Variants in NLK observed in about 807,000 individuals in gnomAD.
The protein encoded by NLK is nemo like kinase.
In NLK, 11 loss-of-function variants were observed where a neutral mutation model predicts 59.0. The ratio of observed to expected loss-of-function variants is 0.19; its 90% CI spans 0.12 to 0.31. The LOEUF (loss-of-function observed/expected upper bound fraction) is 0.31, where lower values mean the gene tolerates loss of function less well. NLK is among the 10% of genes least tolerant of loss of function. The pLI is 1.00. For synonymous variants in NLK, 235 were observed against 235.9 expected (o/e 1.00, Z 0.03); for missense variants, 410 against 661.1 (o/e 0.62, Z 4.16).
At chr17:28,068,811 T>C (rs536189379) in intron 1 of NLK, among the ~76,000 whole-genome samples, 14 of 152,270 alleles carry the variant, frequency 9.2e-5, no homozygotes, top group African/African-American at 3.4e-4. Flanking sequence ...TCAGAGTAGC[T>C]GGGACTATAG....
At chr17:28,175,272 C>G (rs949018862) in intron 7 of NLK, among the ~76,000 whole-genome samples, 2 of 150,906 alleles carry the variant, frequency 1.3e-5, no homozygotes, top group African/African-American at 4.9e-5. Context: ...GGTGAAACCC[C>G]GTCTCTACTA....
intron 7 of NLK, among the ~76,000 whole-genome samples, chr17:28,179,387 G>C (rs1267262251): frequency 1.3e-5 from 2 of 151,952 alleles, no homozygotes. Flanking sequence ...ATACCACCCT[G>C]CCTAGCCTTT....
intron 10 of NLK, among the ~76,000 whole-genome samples, chr17:28,192,652 G>A (rs1909348693): frequency 6.6e-6 from 1 of 151,652 alleles, no homozygotes. Flanking sequence ...TAGGCAACAA[G>A]AGCGAAACTC....
intron 1 of NLK, among the ~76,000 whole-genome samples, chr17:28,119,535 G>A (rs1905929325): frequency 6.6e-6 from 1 of 152,132 alleles, no homozygotes; most frequent in African/African-American, 2.4e-5. Flanking sequence ...TTTGGAAAGG[G>A]CACTGTGTTA....
intron 5 of NLK, among the ~76,000 whole-genome samples, chr17:28,164,806 C>T (rs189045381): frequency 2.3e-4 from 35 of 152,122 alleles, no homozygotes; most frequent in Admixed American, 1.7e-3. Context: ...AGGTTGCTGG[C>T]GGTTAAACTA....
intron 7 of NLK, among the ~76,000 whole-genome samples, chr17:28,182,859 A>G (rs1292969987): frequency 6.6e-6 from 1 of 152,220 alleles, no homozygotes; most frequent in Non-Finnish European, 1.5e-5. Context: ...ATGGCTTTTT[A>G]AATTGTTTTT....
intron 1 of NLK, among the ~76,000 whole-genome samples, chr17:28,067,923 CTGA>C (rs1909887684): frequency 5.9e-5 from 9 of 151,410 alleles, no homozygotes; most frequent in Admixed American, 4.6e-4. Context: ...GGTGAATCAC[CTGA>C]GGTCAAGAGT....
intron 8 of NLK, among the ~76,000 whole-genome samples, chr17:28,190,210 G>A (rs989289014): frequency 2.6e-5 from 4 of 152,114 alleles, no homozygotes; most frequent in African/African-American, 7.2e-5. Flanking sequence ...AGTAATACAC[G>A]TATGTCTACT....
At chr17:28,120,237 T>G (rs374986504) in intron 1 of NLK, among the ~76,000 whole-genome samples, 399 of 16,144 alleles carry the variant, frequency 0.025, 4 homozygotes, top group Middle Eastern at 0.13. Flanking sequence ...TGGCTTGGGG[T>G]GTGTGTGTGT....
At chr17:28,199,665 C>CAAAAAAAAAAA (rs1303411168), downstream of NLK, among the ~76,000 whole-genome samples, 10 of 33,510 alleles carry the variant, frequency 3.0e-4, no homozygotes, top group Non-Finnish European at 3.3e-4. Context: ...GACTCTGTCT[C>CAAAAAAAAAAA]AAAAAAAAAA....
chr17:28,074,304 A>G (rs763127503), intron 1 of NLK, among the ~76,000 whole-genome samples: 45 of 152,202 alleles, frequency 3.0e-4, no homozygotes, highest in Admixed American at 3.3e-4. Context: ...ACAAACCTGC[A>G]CATCCTGCAC....
chr17:28,192,299 T>C, intron 10 of NLK, 86 bp downstream of exon 10: 3 of 736,642 alleles, frequency 4.1e-6, no homozygotes, highest in Non-Finnish European at 4.6e-6. Context: ...TTGTTTTTAT[T>C]TAGATAACAT....
chr17:28,075,843 T>C (rs954754226), intron 1 of NLK, among the ~76,000 whole-genome samples: 3 of 152,150 alleles, frequency 2.0e-5, no homozygotes, highest in Admixed American at 1.3e-4. Flanking sequence ...CCTTTAATCT[T>C]ACACTGTATG....
At chr17:28,077,522 A>G (rs933950136) in intron 1 of NLK, among the ~76,000 whole-genome samples, 1 of 152,120 alleles carries the variant, frequency 6.6e-6, no homozygotes, top group South Asian at 2.1e-4. Flanking sequence ...CAGCCAAACC[A>G]TATCACCAGC....
At chr17:28,084,895 G>A (rs1005406160) in intron 1 of NLK, among the ~76,000 whole-genome samples, 8 of 152,046 alleles carry the variant, frequency 5.3e-5, no homozygotes, top group Middle Eastern at 3.2e-3. Flanking sequence ...TTGCAGTATT[G>A]TTCCATGCTG....
intron 1 of NLK, among the ~76,000 whole-genome samples, chr17:28,062,514 A>G (rs1443027038): frequency 2.0e-5 from 3 of 152,210 alleles, no homozygotes; most frequent in Admixed American, 1.3e-4. Context: ...CTGTTCAGAT[A>G]ATGATGAAAA....
At chr17:28,059,547 C>G (rs971029382) in intron 1 of NLK, among the ~76,000 whole-genome samples, 1 of 151,986 alleles carries the variant, frequency 6.6e-6, no homozygotes, top group African/African-American at 2.4e-5. Flanking sequence ...TCTAATATAT[C>G]AAAACATACC....
chr17:28,073,147 C>A (rs1465163095), intron 1 of NLK, among the ~76,000 whole-genome samples: 3 of 152,084 alleles, frequency 2.0e-5, no homozygotes, highest in Admixed American at 2.0e-4. Context: ...TGCAGACTTA[C>A]TAAGAATTCA....
chr17:28,085,321 A>AT (rs1910475582), intron 1 of NLK, among the ~76,000 whole-genome samples: 1 of 152,248 alleles, frequency 6.6e-6, no homozygotes, highest in African/African-American at 2.4e-5. Flanking sequence ...TTTTTGGAGC[A>AT]TTCTTCACAA....
Sources: gnomAD v4.1 joint callset for allele counts (sites outside exome capture counted in the v4.1 genomes callset) on GRCh38, gnomAD v4.1.1 for gene constraint, MANE v1.5 for transcripts, NCBI Gene and HGNC (gene_info 2026-07-23, HGNC 2026-07-21) for gene names.